Variants in RALGAPA2 observed in about 807,000 individuals in gnomAD.
The protein encoded by RALGAPA2 is ral GTPase-activating protein subunit alpha-2.
Under a neutral mutation model 230.4 loss-of-function variants are expected in RALGAPA2, and 139 were observed. That is an observed-to-expected ratio of 0.60 (90% CI 0.53 to 0.69). The LOEUF (loss-of-function observed/expected upper bound fraction) is 0.69, where lower values mean the gene tolerates loss of function less well. Ranked by LOEUF, RALGAPA2 falls within the 30% of genes least tolerant of loss-of-function variation. The pLI, the probability that RALGAPA2 is intolerant of heterozygous loss-of-function variation, is 0.00. For synonymous variants in RALGAPA2, 847 were observed against 837.8 expected (o/e 1.01, Z -0.19); for missense variants, 2,163 against 2,276.0 (o/e 0.95, Z 1.01).
chr20:20,496,085 T>G (rs549107016), intron 35 of RALGAPA2, among the ~76,000 whole-genome samples: 1 of 151,590 alleles, frequency 6.6e-6, no homozygotes, highest in South Asian at 2.1e-4. Flanking sequence ...TTCCACTGTT[T>G]CAAAGCTACC....
intron 24 of RALGAPA2, among the ~76,000 whole-genome samples, chr20:20,539,706 C>A (rs73290984): frequency 0.021 from 3,196 of 152,148 alleles, 112 homozygotes; most frequent in African/African-American, 0.074. Flanking sequence ...TGACATCTCC[C>A]GAACTCATTC....
intron 37 of RALGAPA2, 31 bp from the exon 38 acceptor site, chr20:20,412,179 C>A (rs767726247): frequency 1.9e-6 from 3 of 1,611,560 alleles, no homozygotes; most frequent in Non-Finnish European, 1.7e-6. Context: ...AACAAGTGCA[C>A]GTGCAAAGTG....
At chr20:20,608,365 T>G (rs1031308252) in intron 14 of RALGAPA2, among the ~76,000 whole-genome samples, 1 of 152,132 alleles carries the variant, frequency 6.6e-6, no homozygotes, top group Non-Finnish European at 1.5e-5. Context: ...TATTTAGCAC[T>G]GATAATAAAT....
intron 10 of RALGAPA2, among the ~76,000 whole-genome samples, chr20:20,629,044 C>T (rs536106439): frequency 9.9e-5 from 15 of 152,128 alleles, no homozygotes; most frequent in East Asian, 1.9e-4. Flanking sequence ...TATTCAGGAA[C>T]GGCTTTCTTC....
At chr20:20,485,141 G>A (rs900809429) in intron 36 of RALGAPA2, among the ~76,000 whole-genome samples, 13 of 150,918 alleles carry the variant, frequency 8.6e-5, no homozygotes, top group Non-Finnish European at 4.4e-5. Context: ...TTTCCAATGT[G>A]GCCCTTGGGA....
At position 20,616,080 on chromosome 20, in the gene RALGAPA2, G is replaced by A. The variant is rs376779237; in HGVS notation, c.1651C>T (p.Arg551Cys). ...ACKAVLIIFR[R>C]MIMELTMNKK... ...TTCATTGTAAGCTCCATTATCATGC[G>A]CCTAAAAATAATCAAAACAGCTTTA... Residue 551 changes from arginine to cysteine, a missense_variant, in exon 13 of 40, where the codon CGC becomes TGC. By Grantham distance (180) the Arg-to-Cys change is radical. Transcript: ENST00000202677. The A allele has an allele frequency of 2.5e-5, 38 of 1,548,838 alleles. No individual in the cohort carries two copies. Among genetic ancestry groups the A allele is most frequent in the African/African-American group, 5.5e-5 (4 of 73,204 alleles).
At chr20:20,531,479 G>A (rs1235199466) in intron 27 of RALGAPA2, among the ~76,000 whole-genome samples, 1 of 152,214 alleles carries the variant, frequency 6.6e-6, no homozygotes, top group African/African-American at 2.4e-5. Flanking sequence ...ACTGGTCCAG[G>A]AAGACTCGAG....
chr20:20,539,638 T>C (rs2063589662), intron 24 of RALGAPA2, among the ~76,000 whole-genome samples: 1 of 152,246 alleles, frequency 6.6e-6, no homozygotes, highest in African/African-American at 2.4e-5. Flanking sequence ...ACTTGAGATC[T>C]ACTCTCTTAG....
intron 33 of RALGAPA2, among the ~76,000 whole-genome samples, chr20:20,508,215 T>C (rs1431526020): frequency 6.6e-6 from 1 of 152,170 alleles, no homozygotes; most frequent in Non-Finnish European, 1.5e-5. Flanking sequence ...GAGAGCCTGC[T>C]AGGATGCAGA....
intron 13 of RALGAPA2, among the ~76,000 whole-genome samples, chr20:20,613,842 C>T (rs1161245522): frequency 1.3e-5 from 2 of 152,168 alleles, no homozygotes; most frequent in African/African-American, 4.8e-5. Context: ...ACGGAAAAAA[C>T]TCCCCGTCTG....
At chr20:20,446,067 C>G (rs1054165983) in intron 37 of RALGAPA2, among the ~76,000 whole-genome samples, 2 of 150,802 alleles carry the variant, frequency 1.3e-5, no homozygotes, top group Non-Finnish European at 2.9e-5. Context: ...TCAAAATCCT[C>G]TTTAACAGGA....
intron 20 of RALGAPA2, among the ~76,000 whole-genome samples, chr20:20,575,149 A>C (rs2064778129): frequency 6.6e-6 from 1 of 152,174 alleles, no homozygotes; most frequent in African/African-American, 2.4e-5. Flanking sequence ...TGTCTTCTCT[A>C]TCTATACTCA....
At chr20:20,483,966 C>T (rs2061843893) in intron 36 of RALGAPA2, among the ~76,000 whole-genome samples, 1 of 152,156 alleles carries the variant, frequency 6.6e-6, no homozygotes, top group Non-Finnish European at 1.5e-5. Context: ...GGGACGCTAT[C>T]AGGGGTGTCC....
intron 23 of RALGAPA2, among the ~76,000 whole-genome samples, chr20:20,552,143 G>C (rs1267307046): frequency 1.3e-5 from 2 of 152,124 alleles, no homozygotes; most frequent in African/African-American, 4.8e-5. Flanking sequence ...AACCATATTA[G>C]AAATGTTGCA....
Position 20,712,275 on chromosome 20 carries a change from T to G in RALGAPA2, c.106+100A>C. 5.5e-5 allele frequency: 18 copies of G among 328,532 alleles called. No homozygotes were observed. The highest frequency in any genetic ancestry group is 1.0e-4 in the Non-Finnish European group (17 of 170,014). 20.4% of individuals were successfully genotyped at this position (328,532 alleles called of 1,614,324 possible). A position where few individuals can be genotyped will look rare whatever the true frequency, so the allele number is the denominator to read the frequency against. On this transcript the variant is annotated intron_variant, in intron 1 of 39. Transcript: ENST00000202677. The surrounding 1 kb of genome is among the most constrained non-coding windows in gnomAD (Gnocchi z 5.5). ...GGGGTCGGACGCCCACCCATCCCCC[T>G]CCCCAGCCTCCCAGCCACCGACCCC...
chr20:20,473,571 C>G (rs1449750400), intron 36 of RALGAPA2, among the ~76,000 whole-genome samples: 4 of 152,132 alleles, frequency 2.6e-5, no homozygotes, highest in African/African-American at 9.7e-5. Context: ...CAGCCTGGAA[C>G]TTCTGGGCTC....
At chr20:20,478,104 CA>C (rs1392169508) in intron 36 of RALGAPA2, among the ~76,000 whole-genome samples, 4 of 152,090 alleles carry the variant, frequency 2.6e-5, no homozygotes, top group Non-Finnish European at 5.9e-5. Flanking sequence ...CAAACAACAA[CA>C]AAAGGATAAT....
At chr20:20,478,671 G>T (rs1021921579) in intron 36 of RALGAPA2, among the ~76,000 whole-genome samples, 1 of 151,984 alleles carries the variant, frequency 6.6e-6, no homozygotes. Flanking sequence ...TGTATAAAAA[G>T]ATGGCAACAA....
chr20:20,396,366 C>A (rs1324110073), intron 39 of RALGAPA2, among the ~76,000 whole-genome samples: 1 of 152,228 alleles, frequency 6.6e-6, no homozygotes, highest in Admixed American at 6.5e-5. Flanking sequence ...CAGGCCTGGG[C>A]AACAAAAAAG....
Sources: allele counts gnomAD v4.1 joint callset (sites outside exome capture counted in the v4.1 genomes callset), GRCh38; gene constraint gnomAD v4.1.1; non-coding constraint Gnocchi (gnomAD v3.1); transcripts MANE v1.5; gene names NCBI Gene and HGNC (gene_info 2026-07-23, HGNC 2026-07-21).